Variants in SLC28A2 observed in about 807,000 individuals in gnomAD.
SLC28A2 encodes sodium/nucleoside cotransporter 2.
In SLC28A2, 69 loss-of-function variants were observed where a neutral mutation model predicts 72.9. The observed-to-expected ratio is 0.95, with a 90% CI of 0.78 to 1.16. The LOEUF is 1.16. Among genes scored for constraint, SLC28A2 ranks in the 50% most tolerant of loss-of-function variants. SLC28A2 has a pLI of 0.00. For synonymous variants in SLC28A2, 296 were observed against 294.1 expected (o/e 1.01, Z -0.07); for missense variants, 745 against 791.1 (o/e 0.94, Z 0.70).
At chr15:45,272,086 T>G in intron 15 of SLC28A2, 1 of 533,092 alleles carries the variant, frequency 1.9e-6, no homozygotes, top group Non-Finnish European at 3.3e-6. Flanking sequence ...ATACTTGATC[T>G]GAGGAAAGTC....
At chr15:45,270,465 T>A (rs1900514745) in intron 15 of SLC28A2, among the ~76,000 whole-genome samples, 189 bp downstream of exon 15, 1 of 152,168 alleles carries the variant, frequency 6.6e-6, no homozygotes, top group African/African-American at 2.4e-5. Context: ...CATACAGCCC[T>A]TTATAATCTC....
rs181436897 is a variant in SLC28A2, at chr15:45,267,946, T to G, written c.1199+150T>G. On this transcript the variant is annotated intron_variant, in intron 12 of 17. Transcript: ENST00000347644. ...CTCTGGTGCTTGCTAATCATGCTGG[T>G]TTTCTTCATTTAACCCTCCCACCTG... The G allele has an allele frequency of 1.8e-4, 188 of 1,068,226 alleles. No homozygotes were observed. The East Asian group carries it at 4.5e-3, about 26-fold the overall frequency. The allele number at this position is 1,068,226 out of a possible 1,614,324, so 66.2% of individuals were successfully genotyped here. A position where few individuals can be genotyped will look rare whatever the true frequency, so the allele number is the denominator to read the frequency against.
At chr15:45,268,949 T>C (rs1272427585) in intron 13 of SLC28A2, among the ~76,000 whole-genome samples, 3 of 137,064 alleles carry the variant, frequency 2.2e-5, no homozygotes, top group African/African-American at 8.3e-5. Context: ...TTCTCACTCA[T>C]AGGTGGGAAT....
At chr15:45,269,682 C>T (rs1394320605) in intron 14 of SLC28A2, 147 bp downstream of exon 14, 2 of 672,300 alleles carry the variant, frequency 3.0e-6, no homozygotes, top group East Asian at 5.4e-5. Context: ...GCAGAACAGC[C>T]TACCTAGCAG....
chr15:45,272,119 T>C (rs551472912), intron 15 of SLC28A2, 176 bp from the exon 16 acceptor site: 1 of 582,354 alleles, frequency 1.7e-6, no homozygotes, highest in East Asian at 2.8e-5. Flanking sequence ...CCCTCAGGAC[T>C]AATGTATACA....
intron 1 of SLC28A2, among the ~76,000 whole-genome samples, chr15:45,252,702 C>T (rs746186410): frequency 3.3e-5 from 5 of 152,210 alleles, no homozygotes; most frequent in Non-Finnish European, 7.3e-5. Context: ...TCTTATGCTA[C>T]ATTATAGTCA....
chr15:45,262,624 A>G lies in SLC28A2; in HGVS notation c.263-437A>G, dbSNP rs1900197034. ...GTAAGAGAGCCATGGGATGAGGTCCACATGGCTGCACTTCCCAGTGGTAGC... is the reference window on the plus strand; with the variant it reads ...GTAAGAGAGCCATGGGATGAGGTCCGCATGGCTGCACTTCCCAGTGGTAGC... On this transcript the variant is annotated intron_variant, in intron 4 of 17. Transcript: ENST00000347644. Among the ~76,000 whole-genome samples the G allele has an allele frequency of 2.0e-5, 3 of 152,196 alleles. No homozygotes were observed. The South Asian group carries it at 6.2e-4, about 31-fold the overall frequency.
chr15:45,263,342 A>G (rs1900223654), intron 5 of SLC28A2, 98 bp downstream of exon 5: 1 of 1,207,862 alleles, frequency 8.3e-7, no homozygotes, highest in Non-Finnish European at 1.1e-6. Flanking sequence ...AGACCTGCAC[A>G]TAGGCTTTTC....
At chr15:45,274,466 C>T (rs1262474611) in intron 17 of SLC28A2, among the ~76,000 whole-genome samples, 12 of 152,064 alleles carry the variant, frequency 7.9e-5, no homozygotes, top group Admixed American at 5.9e-4. Flanking sequence ...AGCCGTGATC[C>T]GTATCACTGC....
chr15:45,264,489 T>C (rs2140569299), intron 6 of SLC28A2, 166 bp from the exon 7 acceptor site: 1 of 603,046 alleles, frequency 1.7e-6, no homozygotes, highest in Non-Finnish European at 3.0e-6. Context: ...TTTTTGTATA[T>C]TACTGCCCTG....
rs1270415443 is a variant in SLC28A2 at position 45,262,193 on chromosome 15, T to A, written c.262+87T>A. The A allele has an allele frequency of 4.5e-6, 4 of 889,096 alleles. No homozygotes were observed. In the East Asian group the frequency reaches 9.6e-5, roughly 21 times the overall value. The allele number at this position is 889,096 out of a possible 1,614,324, so 55.1% of individuals were successfully genotyped here. On this transcript the variant is annotated intron_variant, in intron 4 of 17. Transcript: ENST00000347644. ...CAAGGTGATTACCAGGTGGAAGGCA[T>A]TTTTATTCAAAACTGATCTAAAAAG...
chr15:45,264,887 G>A, intron 7 of SLC28A2, 119 bp downstream of exon 7: 1 of 756,174 alleles, frequency 1.3e-6, no homozygotes, highest in Non-Finnish European at 2.3e-6. Context: ...GATCTGGTTG[G>A]GAAAGGAGAG....
At chr15:45,263,736 T>A in intron 5 of SLC28A2, 145 bp from the exon 6 acceptor site, 1 of 703,572 alleles carries the variant, frequency 1.4e-6, no homozygotes, top group Non-Finnish European at 2.3e-6. Context: ...TGAACTGGCG[T>A]CTACAGCAGC....
At chr15:45,252,602 C>G (rs929713493) in intron 1 of SLC28A2, among the ~76,000 whole-genome samples, 1 of 152,178 alleles carries the variant, frequency 6.6e-6, no homozygotes, top group Non-Finnish European at 1.5e-5. Context: ...AAAAACTTTA[C>G]TTGGGATCAT....
chr15:45,262,481 A>G (rs1003886802), intron 4 of SLC28A2, among the ~76,000 whole-genome samples: 2 of 152,284 alleles, frequency 1.3e-5, no homozygotes, highest in South Asian at 2.1e-4. Flanking sequence ...TGGATATAAA[A>G]TATTCTTAAA....
At chr15:45,255,249 G>A (rs1440372822) in intron 3 of SLC28A2, 2 of 83,514 alleles carry the variant, frequency 2.4e-5, no homozygotes, top group Non-Finnish European at 5.5e-5. Context: ...GAGTGAGACC[G>A]TCTTGAAAAA....
intron 17 of SLC28A2, among the ~76,000 whole-genome samples, chr15:45,273,697 A>T (rs1402980568): frequency 6.6e-6 from 1 of 152,224 alleles, no homozygotes; most frequent in Non-Finnish European, 1.5e-5. Context: ...AGTCCTAGTG[A>T]GAGATGGTAA....
At chr15:45,253,377 C>T (rs1376709715) in intron 2 of SLC28A2, 55 bp from the exon 3 acceptor site, 2 of 1,562,074 alleles carry the variant, frequency 1.3e-6, no homozygotes, top group Non-Finnish European at 8.8e-7. Flanking sequence ...GCTCTCAATC[C>T]CCATCATCCC....
intron 10 of SLC28A2, among the ~76,000 whole-genome samples, chr15:45,267,139 T>C (rs1160470770): frequency 1.3e-5 from 2 of 152,226 alleles, no homozygotes; most frequent in Admixed American, 6.5e-5. Flanking sequence ...GCTTTAGACA[T>C]TGAGAATATA....
Sources: gnomAD v4.1 joint callset for allele counts (sites outside exome capture counted in the v4.1 genomes callset) on GRCh38, gnomAD v4.1.1 for gene constraint, MANE v1.5 for transcripts, NCBI Gene and HGNC (gene_info 2026-07-23, HGNC 2026-07-21) for gene names.